TRIM59: variants seen among roughly 807,000 people sequenced by gnomAD.
TRIM59 encodes the protein tripartite motif-containing protein 59.
In TRIM59, 14 loss-of-function variants were observed where a neutral mutation model predicts 32.2. The observed-to-expected ratio is 0.43, with a 90% CI of 0.29 to 0.68. TRIM59 has a LOEUF of 0.68. TRIM59 is among the 30% of genes least tolerant of loss of function. The probability of loss-of-function intolerance (pLI) is 0.15; values close to 1 mark genes in which losing one functional copy is unlikely to be tolerated. For synonymous variants in TRIM59, 163 were observed against 155.1 expected, an observed-to-expected ratio of 1.05 and a Z score of -0.38; for missense variants, 471 against 463.3, an observed-to-expected ratio of 1.02 and a Z score of -0.15.
At chr3:160,443,418 A>G (rs1054053399) in intron 2 of TRIM59, among the ~76,000 whole-genome samples, 1 of 152,166 alleles carries the variant, frequency 6.6e-6, no homozygotes, top group African/African-American at 2.4e-5. Flanking sequence ...GGAAATTAAA[A>G]CTCTATACCT....
rs114321715 is a variant in TRIM59 at position 160,436,998 on chromosome 3, C to G, written c.*974G>C. 3.0e-6 allele frequency: 3 copies of G among 984,590 alleles called. No homozygotes were observed. In the East Asian group the frequency reaches 3.4e-4, roughly 112 times the overall value. The allele number at this position is 984,590 out of a possible 1,614,324, so 61.0% of individuals were successfully genotyped here. On this transcript the variant is annotated 3_prime_UTR_variant, in exon 3 of 3. Coordinates refer to ENST00000309784, the MANE Select transcript of TRIM59 (RefSeq NM_173084.3). The stretch of plus-strand genomic sequence containing the variant: ...TTAATCCAAGAACTGATTTGACTGA[C>G]GAGCAGAAAAAAAAACAATCTTAAA...
At chr3:160,447,956 A>T (rs978955079) in intron 2 of TRIM59, 1 of 152,182 alleles carries the variant, frequency 6.6e-6, no homozygotes, top group African/African-American at 2.4e-5. Context: ...AGAAAGTCTG[A>T]GAAACAAGAT....
Position 160,436,388 on chromosome 3 carries a change from A to T in TRIM59, c.*1584T>A. 1 of 986,138 alleles carries T rather than the reference A, an allele frequency of 1.0e-6. No homozygotes were observed. The highest frequency in any genetic ancestry group is 1.2e-6 in the Non-Finnish European group (1 of 830,170). The allele number at this position is 986,138 out of a possible 1,614,324, so 61.1% of individuals were successfully genotyped here. ...CTGGAAAGCAAATCAACCTGCACTT[A>T]GAGTTGCATGGACAGTGGGCCAAAA... On this transcript the variant is annotated 3_prime_UTR_variant, in exon 3 of 3. Transcript: ENST00000309784.
Position 160,439,025 on chromosome 3 carries a change from T to A in TRIM59, c.159A>T (p.Pro53=). The change falls in exon 3 of 3, where the codon CCA becomes CCT. Residue 53 remains proline (P), a synonymous_variant. Transcript: ENST00000309784. Reference sequence around the variant, plus strand: ...TACTTCTGCAATTAGGGCACTTGAGTGGAATTCGTAAAGGTCTCCATATAT... The same window carrying A: ...TACTTCTGCAATTAGGGCACTTGAGAGGAATTCGTAAAGGTCTCCATATAT... ...NFYIWRPLRI[P]LKCPNCRSIT... The A allele has an allele frequency of 6.2e-7, 1 of 1,610,668 alleles. No individual in the cohort carries two copies. The highest frequency in any genetic ancestry group is 8.5e-7 in the Non-Finnish European group (1 of 1,178,298).
At chr3:160,447,629 G>C (rs554067958) in intron 2 of TRIM59, 1 of 152,318 alleles carries the variant, frequency 6.6e-6, no homozygotes, top group Non-Finnish European at 1.5e-5. Context: ...CAGTTTTTAA[G>C]TTTTAATTCA....
chr3:160,446,912 C>T (rs1262485515), intron 2 of TRIM59, among the ~76,000 whole-genome samples: 1 of 151,978 alleles, frequency 6.6e-6, no homozygotes, highest in Non-Finnish European at 1.5e-5. Context: ...ATGCACCACC[C>T]ACCCCCACCC....
At chr3:160,441,386 G>GT (rs921260124) in intron 2 of TRIM59, among the ~76,000 whole-genome samples, 1 of 151,542 alleles carries the variant, frequency 6.6e-6, no homozygotes, top group Non-Finnish European at 1.5e-5. Flanking sequence ...TTGTTTTGGG[G>GT]TTTTTTGTTT....
At chr3:160,446,636 C>T (rs1468102894) in intron 2 of TRIM59, among the ~76,000 whole-genome samples, 1 of 152,118 alleles carries the variant, frequency 6.6e-6, no homozygotes, top group East Asian at 1.9e-4. Flanking sequence ...GGCTTGAGAG[C>T]AGGGAAGATG....
rs146261800 is a variant in TRIM59 at position 160,441,126 on chromosome 3, A to C, written c.-3-1940T>G. Among the ~76,000 whole-genome samples, 13 of 152,330 alleles carry C rather than the reference A, an allele frequency of 8.5e-5. No homozygotes were observed. In the East Asian group the frequency reaches 2.3e-3, roughly 27 times the overall value. Reference sequence around the variant, plus strand: ...CTCAACTTGAGCCTGCCTTTTCCCCAGATTAGGTCCCCTGTTATTCTCATT... The same window carrying C: ...CTCAACTTGAGCCTGCCTTTTCCCCCGATTAGGTCCCCTGTTATTCTCATT... On this transcript the variant is annotated intron_variant, in intron 2 of 2. Coordinates refer to ENST00000309784, the MANE Select transcript of TRIM59 (RefSeq NM_173084.3).
chr3:160,438,662 A>C lies in TRIM59; in HGVS notation c.522T>G (p.Ser174=), dbSNP rs1197974575. The C allele has an allele frequency of 6.2e-7, 1 of 1,613,244 alleles. No homozygotes were observed. The highest frequency in any genetic ancestry group is 1.3e-5 in the African/African-American group (1 of 74,904). The part of the protein sequence containing the change: ...IEKLKEQKSH[S]EKMIQGDKEA... ...CCTTATCGCCTTGGATCATTTTCTC[A>C]GAATGAGATTTTTGTTCTTTCAGCT... Residue 174 remains serine, a synonymous_variant, in exon 3 of 3, where the codon TCT becomes TCG. Coordinates refer to ENST00000309784, the MANE Select transcript of TRIM59 (RefSeq NM_173084.3).
intron 2 of TRIM59, among the ~76,000 whole-genome samples, chr3:160,447,999 C>T (rs1719621051): frequency 6.6e-6 from 1 of 152,004 alleles, no homozygotes; most frequent in Non-Finnish European, 1.5e-5. Flanking sequence ...TATAAATATA[C>T]AAAAATAGTG....
intron 2 of TRIM59, among the ~76,000 whole-genome samples, chr3:160,445,122 G>C (rs907906430): frequency 1.3e-5 from 2 of 150,948 alleles, no homozygotes; most frequent in African/African-American, 2.4e-5. Flanking sequence ...GGAAAAAAAA[G>C]AATAAAAATT....
In TRIM59 at chr3:160,436,131, T is replaced by G. The variant is rs1281616609; in HGVS notation, c.*1841A>C. Reference sequence around the variant, plus strand: ...TTGCCCACACAATAGTTAATTGTGCTAGGTATAAGTCTGATTCTAATAATA... The same window carrying G: ...TTGCCCACACAATAGTTAATTGTGCGAGGTATAAGTCTGATTCTAATAATA... On this transcript the variant is annotated 3_prime_UTR_variant, in exon 3 of 3. Transcript: ENST00000309784. 9.2e-7 allele frequency: 1 copy of G among 1,086,676 alleles called. No individual in the cohort carries two copies. Among genetic ancestry groups the G allele is most frequent in the Non-Finnish European group, 1.1e-6 (1 of 887,312 alleles). 67.3% of individuals were successfully genotyped at this position (1,086,676 alleles called of 1,614,324 possible).
In TRIM59 at chr3:160,438,314, G is replaced by C; in HGVS notation, c.870C>G (p.Ser290Arg). Reference protein sequence around the residue: ...RVSKILKEEWSRTEIGQIKNV... With the variant: ...RVSKILKEEWRRTEIGQIKNV... ...TCTTAATTTGTCCAATTTCTGTTCT[G>C]CTCCATTCTTCTTTCAATATTTTGC... Residue 290 changes from serine to arginine, a missense_variant, in exon 3 of 3, where the codon AGC becomes AGG. By Grantham distance (110) the Ser-to-Arg change is moderately radical (BLOSUM62 -1). Transcript: ENST00000309784. The C allele has an allele frequency of 6.2e-7, 1 of 1,613,260 alleles. No individual in the cohort carries two copies. Among genetic ancestry groups the C allele is most frequent in the Non-Finnish European group, 8.5e-7 (1 of 1,179,836 alleles).
At chr3:160,444,591 A>G (rs1010662539) in intron 2 of TRIM59, among the ~76,000 whole-genome samples, 1 of 152,194 alleles carries the variant, frequency 6.6e-6, no homozygotes, top group Non-Finnish European at 1.5e-5. Flanking sequence ...ATTCTCCCCC[A>G]TTAGAATATG....
chr3:160,439,247 T>C (rs1719122699), intron 2 of TRIM59, 61 bp from the exon 3 acceptor site: 5 of 1,350,182 alleles, frequency 3.7e-6, no homozygotes, highest in Non-Finnish European at 3.9e-6. Flanking sequence ...TTATTTAACA[T>C]TCTAGGCATT....
Position 160,437,443 on chromosome 3 carries a change from T to G in TRIM59, c.*529A>C, listed in dbSNP as rs181316053. On this transcript the variant is annotated 3_prime_UTR_variant, in exon 3 of 3. Coordinates refer to ENST00000309784, the MANE Select transcript of TRIM59 (RefSeq NM_173084.3). ...GTGAATGGTGATAAGCATTTAGGGC[T>G]CTTAAATCTATCTCAAACACAGGTA... 31 of 985,376 alleles carry G rather than the reference T, an allele frequency of 3.1e-5. No homozygotes were observed. The highest frequency in any genetic ancestry group is 5.2e-4 in the Middle Eastern group (1 of 1,914). 61.0% of individuals were successfully genotyped at this position (985,376 alleles called of 1,614,324 possible). A position where few individuals can be genotyped will look rare whatever the true frequency, so the allele number is the denominator to read the frequency against.
rs537802969 is a variant in TRIM59 at position 160,437,403 on chromosome 3, A to G, written c.*569T>C. On this transcript the variant is annotated 3_prime_UTR_variant, in exon 3 of 3. Coordinates refer to ENST00000309784, the MANE Select transcript of TRIM59 (RefSeq NM_173084.3). Reference sequence around the variant, plus strand: ...TTACTCTAACAGTTATCCAAAAGCAATAGTTTTATTTGGAGTGAATGGTGA... The same window carrying G: ...TTACTCTAACAGTTATCCAAAAGCAGTAGTTTTATTTGGAGTGAATGGTGA... 132 of 985,416 alleles carry G rather than the reference A, an allele frequency of 1.3e-4. 1 individual carries two copies. The South Asian group carries it at 5.5e-3, about 41-fold the overall frequency. 61.0% of individuals were successfully genotyped at this position (985,416 alleles called of 1,614,324 possible).
chr3:160,444,119 CAA>C (rs1486795151), intron 2 of TRIM59, among the ~76,000 whole-genome samples: 2 of 151,348 alleles, frequency 1.3e-5, no homozygotes, highest in African/African-American at 4.9e-5. Flanking sequence ...CTGATTTTAC[CAA>C]AGAGTAACAA....
Sources: gnomAD v4.1 joint callset for allele counts (sites outside exome capture counted in the v4.1 genomes callset) on GRCh38, gnomAD v4.1.1 for gene constraint, MANE v1.5 for transcripts, NCBI Gene and HGNC (gene_info 2026-07-23, HGNC 2026-07-21) for gene names.